Variants in INTS6 observed in about 807,000 individuals in gnomAD.
INTS6 encodes integrator complex subunit 6.
Under a neutral mutation model 104.9 loss-of-function variants are expected in INTS6, and 16 were observed. The observed-to-expected ratio is 0.15, with a 90% CI of 0.10 to 0.23. The LOEUF (loss-of-function observed/expected upper bound fraction) is 0.23. Among genes scored for constraint, INTS6 ranks in the 10% least tolerant of loss-of-function variants. The pLI is 1.00. For synonymous variants in INTS6, 324 were observed against 358.7 expected (o/e 0.90, Z 1.09); for missense variants, 584 against 1,062.8 (o/e 0.55, Z 6.26).
At chr13:51,348,298 GC>G in the INTS6 span, 9 of 1,612,466 alleles carry the variant, frequency 5.6e-6, no homozygotes, top group African/African-American at 2.7e-5. Flanking sequence ...TCCTGGTGCT[GC>G]CCCGTGACAA....
At chr13:51,433,170 G>A (rs1348637873) in intron 3 of INTS6, among the ~76,000 whole-genome samples, 1 of 152,196 alleles carries the variant, frequency 6.6e-6, no homozygotes, top group Admixed American at 6.5e-5. Flanking sequence ...CAGGCTGGGA[G>A]TGGTGGCTCA....
In INTS6 at chr13:51,374,771, T is replaced by C. The variant is rs1955883235; in HGVS notation, c.1755A>G (p.Ala585=). 1 of 1,613,532 alleles carries C rather than the reference T, an allele frequency of 6.2e-7. No individual in the cohort carries two copies. Among genetic ancestry groups the C allele is most frequent in the Admixed American group, 1.7e-5 (1 of 59,996 alleles). Residue 585 remains alanine (A), a synonymous_variant, in exon 14 of 18, where the codon GCA becomes GCG. Coordinates refer to ENST00000311234, the MANE Select transcript of INTS6 (RefSeq NM_012141.3). ...DEDQVHSVPI[A]QMGNYQEYLK... ...GGTATTCCTGGTAGTTCCCCATTTG[T>C]GCTATAGGAACACTGTGCACTTGAT...
chr13:51,334,860 G>A, the INTS6 span, among the ~76,000 whole-genome samples: 3 of 151,802 alleles, frequency 2.0e-5, no homozygotes, highest in East Asian at 3.9e-4. Context: ...GCAGGCACCT[G>A]TAATCCCAGC....
At chr13:51,359,343 T>C (rs1955526209), downstream of INTS6, among the ~76,000 whole-genome samples, 1 of 152,158 alleles carries the variant, frequency 6.6e-6, no homozygotes, top group South Asian at 2.1e-4. Context: ...TTCTCATTTT[T>C]ATCGCATATG....
chr13:51,449,288 CAATCTCCA>C (rs1363279705), intron 3 of INTS6: 1 of 159,800 alleles, frequency 6.3e-6, no homozygotes, highest in Non-Finnish European at 1.3e-5. Context: ...AAAAACATCC[CAATCTCCA>C]GGTTCTTCTC....
chr13:51,382,322 C>T (rs1054888706), intron 9 of INTS6, among the ~76,000 whole-genome samples, 199 bp from the exon 10 acceptor site: 4 of 152,162 alleles, frequency 2.6e-5, no homozygotes, highest in African/African-American at 9.7e-5. Context: ...TCTAAAAGTA[C>T]ATGCAGGAAT....
In INTS6 at chr13:51,383,348, T is replaced by G; in HGVS notation, c.1161A>C (p.Pro387=). The part of the protein sequence containing the change: ...VNLFVMPYNY[P]VLLPLLDDLF... ...ACTTACCTAAGAGGGGAAGAAGGAC[T>G]GGATAATTGTAAGGCATCACAAATA... The change falls in exon 9 of 18, where the codon CCA becomes CCC. Residue 387 remains proline (P), a synonymous_variant. Transcript: ENST00000311234. The G allele has an allele frequency of 6.2e-7, 1 of 1,611,674 alleles. No individual in the cohort carries two copies. Among genetic ancestry groups the G allele is most frequent in the South Asian group, 1.1e-5 (1 of 90,442 alleles).
intron 6 of INTS6, among the ~76,000 whole-genome samples, chr13:51,388,970 TGA>T (rs1956196128): frequency 6.6e-6 from 1 of 152,222 alleles, no homozygotes; most frequent in Non-Finnish European, 1.5e-5. Context: ...CATCTAGGAC[TGA>T]ACACTTTGGG....
intron 4 of INTS6, among the ~76,000 whole-genome samples, chr13:51,398,035 A>T (rs1282474771): frequency 6.6e-6 from 1 of 152,128 alleles, no homozygotes; most frequent in African/African-American, 2.4e-5. Flanking sequence ...GCAAATTTTT[A>T]TTTATTTTTC....
At chr13:51,344,347 C>A in the INTS6 span, 1 of 1,613,866 alleles carries the variant, frequency 6.2e-7, no homozygotes, top group Non-Finnish European at 8.5e-7. Context: ...CCTTTTTGTG[C>A]AAGTGGGAAC....
chr13:51,419,837 G>T (rs1430181605), intron 4 of INTS6, among the ~76,000 whole-genome samples: 1 of 152,196 alleles, frequency 6.6e-6, no homozygotes, highest in Non-Finnish European at 1.5e-5. Context: ...TCTAACAGAA[G>T]TAGTACAATA....
chr13:51,358,317 A>G (rs1955512345), downstream of INTS6, among the ~76,000 whole-genome samples: 1 of 152,166 alleles, frequency 6.6e-6, no homozygotes, highest in Admixed American at 6.5e-5. Flanking sequence ...AGCAAATGAT[A>G]TGTTTATCCT....
intron 4 of INTS6, among the ~76,000 whole-genome samples, chr13:51,427,782 T>C (rs557402020): frequency 1.3e-5 from 2 of 152,324 alleles, no homozygotes; most frequent in Non-Finnish European, 2.9e-5. Flanking sequence ...ATCAATACTT[T>C]TTAAAAATAT....
At chr13:51,412,856 G>A (rs1312341017) in intron 4 of INTS6, among the ~76,000 whole-genome samples, 1 of 152,174 alleles carries the variant, frequency 6.6e-6, no homozygotes, top group Non-Finnish European at 1.5e-5. Flanking sequence ...GCTATCAAGT[G>A]TGCAAAATTC....
intron 16 of INTS6, 91 bp downstream of exon 16, chr13:51,368,848 T>C: frequency 2.3e-6 from 3 of 1,319,358 alleles, no homozygotes. Context: ...ATATGTATTC[T>C]TTTACTACAG....
chr13:51,366,644 C>CAGA (rs1419853326), intron 17 of INTS6, among the ~76,000 whole-genome samples: 2 of 151,868 alleles, frequency 1.3e-5, no homozygotes, highest in Non-Finnish European at 2.9e-5. Flanking sequence ...TTTTAGCTGA[C>CAGA]AGAATGTTAC....
intron 4 of INTS6, among the ~76,000 whole-genome samples, chr13:51,403,879 C>G (rs1041058272): frequency 6.6e-6 from 1 of 151,964 alleles, no homozygotes; most frequent in Non-Finnish European, 1.5e-5. Flanking sequence ...AGATGCAAAG[C>G]TAGAGTTATA....
rs1382737517 is a variant in INTS6, at chr13:51,452,638, G to A, written c.-113C>T. ...CGCGGGGCGGGGGAGCACGGCCCCCGGGAGGAAAACACTGTCTGGGTCTTT... is the reference window on the plus strand; with the variant it reads ...CGCGGGGCGGGGGAGCACGGCCCCCAGGAGGAAAACACTGTCTGGGTCTTT... On this transcript the variant is annotated 5_prime_UTR_variant, in exon 1 of 18. Transcript: ENST00000311234. This position sits in a 1 kb window ranked among gnomAD's most constrained non-coding sequence, Gnocchi z 4.2. 5 of 1,508,010 alleles carry A rather than the reference G, an allele frequency of 3.3e-6. No individual in the cohort carries two copies. The highest frequency in any genetic ancestry group is 2.9e-5 in the African/African-American group (2 of 69,620). 93.4% of individuals were successfully genotyped at this position (1,508,010 alleles called of 1,614,324 possible). A position where few individuals can be genotyped will look rare whatever the true frequency, so the allele number is the denominator to read the frequency against.
At chr13:51,376,288 A>T (rs982821706) in intron 12 of INTS6, 114 bp from the exon 13 acceptor site, 13 of 706,464 alleles carry the variant, frequency 1.8e-5, no homozygotes, top group Non-Finnish European at 2.5e-5. Flanking sequence ...TGGTTAGCTT[A>T]AAAAAAATAA....
Sources: allele counts gnomAD v4.1 joint callset (sites outside exome capture counted in the v4.1 genomes callset), GRCh38; gene constraint gnomAD v4.1.1; non-coding constraint Gnocchi (gnomAD v3.1); transcripts MANE v1.5; gene names NCBI Gene and HGNC (gene_info 2026-07-23, HGNC 2026-07-21).